PLGRKT: variants seen among roughly 807,000 people sequenced by gnomAD.
PLGRKT encodes the protein plasminogen receptor with a C-terminal lysine, also known as plasminogen receptor (KT).
PLGRKT carries 22 observed loss-of-function variants against 18.5 expected under a neutral mutation model. The ratio of observed to expected loss-of-function variants is 1.19; its 90% CI spans 0.85 to 1.70. The LOEUF (loss-of-function observed/expected upper bound fraction) is 1.70. PLGRKT is among the 40% of genes most tolerant of loss of function. The pLI is 0.00. For synonymous variants in PLGRKT, 72 were observed against 52.8 expected (o/e 1.36, Z -1.58); for missense variants, 235 against 174.4 (o/e 1.35, Z -1.96).
intron 3 of PLGRKT, among the ~76,000 whole-genome samples, chr9:5,430,716 C>T (rs1818805900): frequency 6.6e-6 from 1 of 152,192 alleles, no homozygotes; most frequent in Admixed American, 6.5e-5. Flanking sequence ...CATTTTTAAC[C>T]ACTAGCTACA....
At chr9:5,366,419 G>T (rs542719109) in intron 3 of PLGRKT, among the ~76,000 whole-genome samples, 2 of 152,064 alleles carry the variant, frequency 1.3e-5, no homozygotes, top group South Asian at 4.2e-4. Context: ...CTTATCTCTG[G>T]ACCTTTTGAT....
intron 3 of PLGRKT, among the ~76,000 whole-genome samples, chr9:5,412,353 T>G (rs1818382084): frequency 6.6e-6 from 1 of 152,232 alleles, no homozygotes; most frequent in African/African-American, 2.4e-5. Context: ...CAAGTTGCTA[T>G]GGTTTGAATG....
intron 3 of PLGRKT, among the ~76,000 whole-genome samples, chr9:5,369,088 A>G (rs1817459745): frequency 1.3e-5 from 2 of 152,330 alleles, no homozygotes; most frequent in Middle Eastern, 3.4e-3. Context: ...AATAGCAACA[A>G]AAGCCAAAAT....
rs140505177 is a variant in PLGRKT, at chr9:5,385,600, C to G, written c.82-23712G>C. 4.6e-5 allele frequency among the ~76,000 whole-genome samples: 7 copies of G among 151,938 alleles called. No individual in the cohort carries two copies. In the East Asian group the frequency reaches 1.4e-3, roughly 29 times the overall value. On this transcript the variant is annotated intron_variant, in intron 3 of 5. Transcript: ENST00000223864. Reference sequence around the variant, plus strand: ...TTCCCAGTGGCTCACATACTTGCCACTCTTCAGTACCTGTGTGTTTTGGAG... The same window carrying G: ...TTCCCAGTGGCTCACATACTTGCCAGTCTTCAGTACCTGTGTGTTTTGGAG...
intron 3 of PLGRKT, among the ~76,000 whole-genome samples, chr9:5,363,233 T>A (rs998807777): frequency 2.6e-5 from 4 of 151,964 alleles, no homozygotes; most frequent in African/African-American, 9.7e-5. Flanking sequence ...TGCTTTGTTT[T>A]CTGTTCAATC....
chr9:5,361,730 T>G (rs755382950), intron 4 of PLGRKT, 28 bp downstream of exon 4: 1 of 1,584,580 alleles, frequency 6.3e-7, no homozygotes, highest in South Asian at 1.2e-5. Flanking sequence ...AGTAAATGAC[T>G]GAAGAAAATG....
Position 5,404,149 on chromosome 9 carries a change from A to C in PLGRKT, c.81+27748T>G, listed in dbSNP as rs541735870. Among the ~76,000 whole-genome samples, 47 of 152,278 alleles carry C rather than the reference A, an allele frequency of 3.1e-4. No homozygotes were observed. In the Middle Eastern group the frequency reaches 0.01, roughly 33 times the overall value. ...CAGTAATGAACAGCCTACCAACCAA[A>C]AACAGCCCAGATCCTGATGGATTTA... On this transcript the variant is annotated intron_variant, in intron 3 of 5. Coordinates refer to ENST00000223864, the MANE Select transcript of PLGRKT (RefSeq NM_018465.4).
chr9:5,392,368 TTTAA>T (rs1817966475), intron 3 of PLGRKT: 3 of 151,998 alleles, frequency 2.0e-5, no homozygotes, highest in Admixed American at 2.0e-4. Flanking sequence ...ACAACTTATC[TTTAA>T]TTGTGTCTTA....
intron 2 of PLGRKT, 94 bp from the exon 3 acceptor site, chr9:5,432,077 A>G (rs1044140658): frequency 2.7e-4 from 76 of 282,588 alleles, no homozygotes; most frequent in Admixed American, 1.5e-4. Context: ...ATGACAAAGT[A>G]AAAAAAAAAA....
At chr9:5,437,159 G>GT (rs1421374120) in intron 1 of PLGRKT, among the ~76,000 whole-genome samples, 1 of 152,172 alleles carries the variant, frequency 6.6e-6, no homozygotes, top group Non-Finnish European at 1.5e-5. Flanking sequence ...ATGGGAAGGT[G>GT]TATTTCTGGG....
intron 3 of PLGRKT, among the ~76,000 whole-genome samples, chr9:5,427,368 G>A (rs1243495897): frequency 6.6e-6 from 1 of 152,028 alleles, no homozygotes; most frequent in East Asian, 1.9e-4. Flanking sequence ...ATACCAAAGA[G>A]AAGCAATAAA....
At chr9:5,431,863 A>G in intron 3 of PLGRKT, 34 bp downstream of exon 3, 3 of 1,018,834 alleles carry the variant, frequency 2.9e-6, no homozygotes, top group South Asian at 1.3e-5. Context: ...TAAGCATTGT[A>G]ACAACATAAT....
chr9:5,422,005 T>C (rs895755532), intron 3 of PLGRKT, among the ~76,000 whole-genome samples: 1 of 152,176 alleles, frequency 6.6e-6, no homozygotes, highest in African/African-American at 2.4e-5. Context: ...AATTGCTAAA[T>C]AAAAGGACAG....
intron 3 of PLGRKT, among the ~76,000 whole-genome samples, chr9:5,402,376 G>T (rs1431501674): frequency 6.6e-6 from 1 of 151,874 alleles, no homozygotes; most frequent in African/African-American, 2.4e-5. Context: ...GGCTAGAAGG[G>T]GAAGGGGAAG....
rs575375064 is a variant in PLGRKT, at chr9:5,365,122, A to T, written c.82-3234T>A. 4.6e-5 allele frequency among the ~76,000 whole-genome samples: 7 copies of T among 152,284 alleles called. No homozygotes were observed. In the East Asian group the frequency reaches 9.6e-4, roughly 21 times the overall value. Reference sequence around the variant, plus strand: ...AGACATGATTTCTACTCTCCAAAAAAAAATAAATAAATAAACCAGGGCTCC... The same window carrying T: ...AGACATGATTTCTACTCTCCAAAAATAAATAAATAAATAAACCAGGGCTCC... On this transcript the variant is annotated intron_variant, in intron 3 of 5. Coordinates refer to ENST00000223864, the MANE Select transcript of PLGRKT (RefSeq NM_018465.4).
At chr9:5,372,670 T>C (rs1254089302) in intron 3 of PLGRKT, among the ~76,000 whole-genome samples, 1 of 152,204 alleles carries the variant, frequency 6.6e-6, no homozygotes, top group African/African-American at 2.4e-5. Context: ...CAAGAGCTAA[T>C]GTCGTCTCGA....
rs558997821 is a variant in PLGRKT at position 5,434,723 on chromosome 9, G to A, written c.-7+1846C>T. Among the ~76,000 whole-genome samples, 19 of 152,116 alleles carry A rather than the reference G, an allele frequency of 1.2e-4. No homozygotes were observed. The South Asian group carries it at 3.7e-3, about 30-fold the overall frequency. On this transcript the variant is annotated intron_variant, in intron 2 of 5. Coordinates refer to ENST00000223864, the MANE Select transcript of PLGRKT (RefSeq NM_018465.4). ...GCCTCTGCCTGGCCGCTCCGTCTGG[G>A]AAGTGAGGAGCGCCTCTGCCCGGCC...
At chr9:5,431,531 C>CAAAAA (rs1191361436) in intron 3 of PLGRKT, among the ~76,000 whole-genome samples, 2 of 77,030 alleles carry the variant, frequency 2.6e-5, no homozygotes, top group East Asian at 4.2e-4. Flanking sequence ...GAGACTCTCT[C>CAAAAA]AAAAAAAAAA....
In PLGRKT at chr9:5,418,688, C is replaced by A; in HGVS notation, c.81+13209G>T. 1 of 663,976 alleles carries A rather than the reference C, an allele frequency of 1.5e-6. No homozygotes were observed. 41.1% of individuals were successfully genotyped at this position (663,976 alleles called of 1,614,324 possible). ...ATGGGCAGGGGCAGCATGTAGCACCCACTGCCGGGAAGTCTGATGAAGACC... is the reference window on the plus strand; with the variant it reads ...ATGGGCAGGGGCAGCATGTAGCACCAACTGCCGGGAAGTCTGATGAAGACC... On this transcript the variant is annotated intron_variant, in intron 3 of 5. Transcript: ENST00000223864. This position sits in a 1 kb window ranked among gnomAD's most constrained non-coding sequence, Gnocchi z 4.2.
Sources: gnomAD v4.1 joint callset for allele counts (sites outside exome capture counted in the v4.1 genomes callset) on GRCh38, gnomAD v4.1.1 for gene constraint, Gnocchi (gnomAD v3.1) non-coding constraint, MANE v1.5 for transcripts, NCBI Gene and HGNC (gene_info 2026-07-23, HGNC 2026-07-21) for gene names.